The following CYP3A5 variants were observed in gnomAD, a reference collection of about 807,000 sequenced individuals.
CYP3A5 encodes the protein cytochrome P450 3A5.
A neutral mutation model predicts 55.9 loss-of-function variants in CYP3A5; 51 were observed. That is an observed-to-expected ratio of 0.91 (90% CI 0.73 to 1.15). The LOEUF is 1.15. Among genes scored for constraint, CYP3A5 ranks in the 50% most tolerant of loss-of-function variants. The pLI is 0.00. For synonymous variants in CYP3A5, 196 were observed against 213.9 expected (o/e 0.92, Z 0.73); for missense variants, 533 against 596.6 (o/e 0.89, Z 1.11).
intron 1 of CYP3A5, 109 bp from the exon 2 acceptor site, chr7:99,676,317 A>G (rs1812281324): frequency 1.9e-6 from 3 of 1,573,346 alleles, no homozygotes; most frequent in South Asian, 1.1e-5. Flanking sequence ...TAATATGTAC[A>G]CGATAAATAA....
At chr7:99,673,658 A>G (rs1811925858) in intron 3 of CYP3A5, among the ~76,000 whole-genome samples, 1 of 152,222 alleles carries the variant, frequency 6.6e-6, no homozygotes, top group Admixed American at 6.5e-5. Context: ...TCAAAAGCAC[A>G]TGTTAAATTC....
chr7:99,649,834 G>A (rs901804106), intron 12 of CYP3A5, among the ~76,000 whole-genome samples: 10 of 152,014 alleles, frequency 6.6e-5, no homozygotes, highest in Non-Finnish European at 1.3e-4. Context: ...ACTTACTCAG[G>A]TTCAAAGAGA....
chr7:99,677,516 C>G (rs193243355), intron 1 of CYP3A5, among the ~76,000 whole-genome samples: 73 of 152,286 alleles, frequency 4.8e-4, no homozygotes, highest in Non-Finnish European at 2.1e-4. Flanking sequence ...GTATTAAGAC[C>G]TTGTTTACTC....
rs151321273 is a variant in CYP3A5 at position 99,649,205 on chromosome 7, A to T, written c.1414-805T>A. Among the ~76,000 whole-genome samples the T allele has an allele frequency of 4.9e-4, 74 of 152,328 alleles. 1 individual carries two copies. The highest frequency in any genetic ancestry group is 3.7e-3 in the Admixed American group (57 of 15,298). On this transcript the variant is annotated intron_variant, in intron 12 of 12. Transcript: ENST00000222982. ...AGAGGCCCACTTTCTCTCAGGGCTG[A>T]GCCCCCTGCCTGAATACACACATAG...
intron 3 of CYP3A5, chr7:99,672,899 C>A: frequency 7.4e-7 from 1 of 1,350,542 alleles, no homozygotes; most frequent in South Asian, 1.9e-5. Flanking sequence ...TAATGTGGTC[C>A]AAACAGGGAA....
chr7:99,654,853 A>C (rs929625917), intron 10 of CYP3A5, among the ~76,000 whole-genome samples: 6 of 152,120 alleles, frequency 3.9e-5, no homozygotes, highest in Non-Finnish European at 7.4e-5. Context: ...ACATTTTTTC[A>C]TGTGTCTATT....
At chr7:99,666,908 T>C in intron 5 of CYP3A5, 44 bp downstream of exon 5, 1 of 1,607,792 alleles carries the variant, frequency 6.2e-7, no homozygotes, top group South Asian at 1.1e-5. Flanking sequence ...TGTCCCCAGA[T>C]TCATTCTTTA....
chr7:99,679,947 T>C lies in CYP3A5; in HGVS notation c.-51A>G. On this transcript the variant is annotated 5_prime_UTR_variant, in exon 1 of 13. Transcript: ENST00000222982. ...TCTGTGAGTCTTCCTTTTAGCTGAGTGCTGCTGTTTGCTGGGCTGTTTGCC... is the reference window on the plus strand; with the variant it reads ...TCTGTGAGTCTTCCTTTTAGCTGAGCGCTGCTGTTTGCTGGGCTGTTTGCC... 1 of 1,498,710 alleles carries C rather than the reference T, an allele frequency of 6.7e-7. No individual in the cohort carries two copies. Among genetic ancestry groups the C allele is most frequent in the South Asian group, 1.1e-5 (1 of 88,754 alleles). The allele number at this position is 1,498,710 out of a possible 1,614,324, so 92.8% of individuals were successfully genotyped here. A position where few individuals can be genotyped will look rare whatever the true frequency, so the allele number is the denominator to read the frequency against.
At chr7:99,674,119 A>C (rs907074953) in intron 3 of CYP3A5, 1 of 156,020 alleles carries the variant, frequency 6.4e-6, no homozygotes, top group Non-Finnish European at 1.4e-5. Context: ...AAGTGTCTAC[A>C]AAAACCACAA....
In CYP3A5 at chr7:99,653,804, T is replaced by C. The variant is rs1039856168; in HGVS notation, c.1027-1025A>G. On this transcript the variant is annotated intron_variant, in intron 10 of 12. Coordinates refer to ENST00000222982, the MANE Select transcript of CYP3A5 (RefSeq NM_000777.5). The surrounding 1 kb of genome is among the most constrained non-coding windows in gnomAD (Gnocchi z 4.2). Reference sequence around the variant, plus strand: ...CTGAAAACTGTGGATGATATGTACCTAGCACTTGGTGTTATATTTGGGAGG... The same window carrying C: ...CTGAAAACTGTGGATGATATGTACCCAGCACTTGGTGTTATATTTGGGAGG... 6.6e-6 allele frequency among the ~76,000 whole-genome samples: 1 copy of C among 152,234 alleles called. No homozygotes were observed. The highest frequency in any genetic ancestry group is 2.4e-5 in the African/African-American group (1 of 41,460).
At chr7:99,657,811 T>C (rs1418190833) in intron 10 of CYP3A5, among the ~76,000 whole-genome samples, 7 of 152,210 alleles carry the variant, frequency 4.6e-5, no homozygotes, top group African/African-American at 1.7e-4. Flanking sequence ...CTCTTCTTGT[T>C]GAATTGATCC....
At chr7:99,649,684 A>G (rs2151348928) in intron 12 of CYP3A5, among the ~76,000 whole-genome samples, 1 of 152,332 alleles carries the variant, frequency 6.6e-6, no homozygotes, top group East Asian at 1.9e-4. Context: ...ATATACAGCT[A>G]GTGGTTGAGA....
Position 99,650,222 on chromosome 7 carries a change from T to C in CYP3A5, c.1264A>G (p.Lys422Glu). 6.2e-7 allele frequency: 1 copy of C among 1,613,574 alleles called. No homozygotes were observed. The highest frequency in any genetic ancestry group is 8.5e-7 in the Non-Finnish European group (1 of 1,179,718). Residue 422 changes from lysine (K) to glutamate (E), a missense_variant, in exon 12 of 13, where the codon AAG becomes GAG. Transcript: ENST00000222982. ...EEFRPERFSK[K>E]KDSIDPYIYT... Reference sequence around the variant, plus strand: ...ATGTAAGGATCTATGCTGTCCTTCTTCTTACTGAACCTAGTTCCATATTGG... The same window carrying C: ...ATGTAAGGATCTATGCTGTCCTTCTCCTTACTGAACCTAGTTCCATATTGG...
intron 4 of CYP3A5, 102 bp from the exon 5 acceptor site, chr7:99,667,167 G>T: frequency 2.0e-6 from 2 of 978,864 alleles, no homozygotes; most frequent in South Asian, 1.6e-5. Context: ...AATATTTATT[G>T]ACTGTATATG....
intron 11 of CYP3A5, 44 bp downstream of exon 11, chr7:99,652,509 C>G: frequency 7.1e-7 from 1 of 1,404,952 alleles, no homozygotes; most frequent in East Asian, 2.3e-5. Context: ...TATGCTTGAA[C>G]CAGCCTGGGT....
rs1365903558 is a variant in CYP3A5, at chr7:99,653,966, G to T, written c.1027-1187C>A. ...TGAGTCAGCCTCCATCGCGCCCCCAGGGCCAGGCTACCTCAGACCATAGCC... is the reference window on the plus strand; with the variant it reads ...TGAGTCAGCCTCCATCGCGCCCCCATGGCCAGGCTACCTCAGACCATAGCC... On this transcript the variant is annotated intron_variant, in intron 10 of 12. Coordinates refer to ENST00000222982, the MANE Select transcript of CYP3A5 (RefSeq NM_000777.5). This position sits in a 1 kb window ranked among gnomAD's most constrained non-coding sequence, Gnocchi z 4.2. 6.6e-6 allele frequency among the ~76,000 whole-genome samples: 1 copy of T among 152,170 alleles called. No homozygotes were observed. The highest frequency in any genetic ancestry group is 1.5e-5 in the Non-Finnish European group (1 of 68,034).
intron 1 of CYP3A5, among the ~76,000 whole-genome samples, chr7:99,677,651 C>T (rs1190694131): frequency 1.3e-5 from 2 of 152,208 alleles, no homozygotes; most frequent in African/African-American, 2.4e-5. Flanking sequence ...GAGGACTCAG[C>T]AGGGGCAGCA....
At chr7:99,672,085 TG>T (rs1042981533) in intron 4 of CYP3A5, among the ~76,000 whole-genome samples, 3 of 152,204 alleles carry the variant, frequency 2.0e-5, no homozygotes, top group East Asian at 3.8e-4. Context: ...GGAGTCTCAT[TG>T]GGTTGCCCAG....
At chr7:99,673,923 C>G (rs115189026) in intron 3 of CYP3A5, among the ~76,000 whole-genome samples, 2 of 152,148 alleles carry the variant, frequency 1.3e-5, no homozygotes, top group African/African-American at 4.8e-5. Context: ...CTGAAGACCT[C>G]GATACCTGGT....
Sources: gnomAD v4.1 joint callset for allele counts (sites outside exome capture counted in the v4.1 genomes callset) on GRCh38, gnomAD v4.1.1 for gene constraint, Gnocchi (gnomAD v3.1) non-coding constraint, MANE v1.5 for transcripts, NCBI Gene and HGNC (gene_info 2026-07-23, HGNC 2026-07-21) for gene names.